The following RGS6 variants were observed in gnomAD, a reference collection of about 807,000 sequenced individuals.
RGS6 encodes the protein regulator of G protein signaling 6, also known as regulator of G-protein signaling 6.
A neutral mutation model predicts 78.5 loss-of-function variants in RGS6; 30 were observed. The observed-to-expected ratio is 0.38, with a 90% CI of 0.29 to 0.52. The LOEUF is 0.52. RGS6 is among the 20% of genes least tolerant of loss of function. The pLI is 0.85. For synonymous variants in RGS6, 206 were observed against 206.0 expected (o/e 1.00, Z 0.00); for missense variants, 495 against 609.7 (o/e 0.81, Z 1.98).
At chr14:72,388,953 T>TAG (rs1555367844) in intron 3 of RGS6, among the ~76,000 whole-genome samples, 1 of 151,916 alleles carries the variant, frequency 6.6e-6, no homozygotes, top group African/African-American at 2.4e-5. Context: ...ATTCCCATTA[T>TAG]TAGTAGTAGT....
At chr14:72,088,129 A>G (rs2095124031) in intron 2 of RGS6, among the ~76,000 whole-genome samples, 1 of 152,222 alleles carries the variant, frequency 6.6e-6, no homozygotes, top group African/African-American at 2.4e-5. Context: ...GTCTTTTAAA[A>G]TACATGCAGC....
chr14:72,173,623 C>T (rs1437881665), intron 2 of RGS6, among the ~76,000 whole-genome samples: 1 of 152,130 alleles, frequency 6.6e-6, no homozygotes, highest in African/African-American at 2.4e-5. Flanking sequence ...ATAACCTCGA[C>T]TCTTGAATGG....
chr14:71,929,001 T>C (rs553425807), upstream of RGS6, among the ~76,000 whole-genome samples: 7 of 152,352 alleles, frequency 4.6e-5, no homozygotes, highest in South Asian at 1.5e-3. Context: ...TTTGAAATAA[T>C]GTTATAATAA....
intron 2 of RGS6, among the ~76,000 whole-genome samples, chr14:72,077,868 A>G (rs1230261382): frequency 1.3e-5 from 2 of 152,234 alleles, no homozygotes; most frequent in African/African-American, 4.8e-5. Flanking sequence ...GAAGTATTAT[A>G]TCTTCTAATT....
At chr14:72,490,742 G>A (rs577999816) in intron 12 of RGS6, among the ~76,000 whole-genome samples, 1 of 152,186 alleles carries the variant, frequency 6.6e-6, no homozygotes, top group Admixed American at 6.5e-5. Flanking sequence ...CTGGGACAGC[G>A]AGGAGGCTCT....
intron 2 of RGS6, among the ~76,000 whole-genome samples, chr14:72,112,269 C>A (rs780496709): frequency 6.6e-6 from 1 of 152,162 alleles, no homozygotes; most frequent in African/African-American, 2.4e-5. Context: ...ATACCACTTA[C>A]GTTTGCATTT....
chr14:71,897,677 CG>C, the RGS6 span, among the ~76,000 whole-genome samples: 3 of 144,388 alleles, frequency 2.1e-5, no homozygotes, highest in African/African-American at 8.4e-5. Context: ...CCCACCACCA[CG>C]CCCAGCTAAT....
chr14:72,483,908 G>A (rs1566955665), intron 12 of RGS6, among the ~76,000 whole-genome samples: 1 of 151,688 alleles, frequency 6.6e-6, no homozygotes, highest in Non-Finnish European at 1.5e-5. Context: ...TTTTCTCTGG[G>A]TGACTTGCAA....
rs554117214 is a variant in RGS6, at chr14:72,419,350, A to G, written c.185-35178A>G. The stretch of plus-strand genomic sequence containing the variant: ...ATTATCTTCACTGCATAGGTGAGCA[A>G]TGGAGGCACAGAGAAGTTCAGCAAC... On this transcript the variant is annotated intron_variant, in intron 3 of 17. Transcript: ENST00000553525. Among the ~76,000 whole-genome samples the G allele has an allele frequency of 3.0e-4, 46 of 152,316 alleles. 1 individual carries two copies. The highest frequency in any genetic ancestry group is 5.4e-4 in the Non-Finnish European group (37 of 68,032).
chr14:72,090,265 G>T (rs1424289610), intron 2 of RGS6, among the ~76,000 whole-genome samples: 4 of 152,110 alleles, frequency 2.6e-5, no homozygotes, highest in Non-Finnish European at 5.9e-5. Flanking sequence ...TACATTAGGG[G>T]TTTCTAACCC....
intron 2 of RGS6, among the ~76,000 whole-genome samples, chr14:72,301,408 G>A (rs537466732): frequency 2.6e-5 from 4 of 152,186 alleles, no homozygotes; most frequent in South Asian, 2.1e-4. Context: ...TGTATTTATC[G>A]TTAGCTCTTG....
chr14:72,010,964 C>A (rs1019238504), intron 2 of RGS6, among the ~76,000 whole-genome samples: 1 of 152,222 alleles, frequency 6.6e-6, no homozygotes, highest in Non-Finnish European at 1.5e-5. Flanking sequence ...CATCTCTGCC[C>A]ACTCATTGCA....
At chr14:72,309,767 G>C (rs1034497458) in intron 2 of RGS6, among the ~76,000 whole-genome samples, 1 of 152,210 alleles carries the variant, frequency 6.6e-6, no homozygotes, top group South Asian at 2.1e-4. Flanking sequence ...CAACAGACTG[G>C]TCCCTCAAAT....
At chr14:72,550,692 C>CATCA (rs368786403) in intron 17 of RGS6, 14,507 of 1,426,038 alleles carry the variant, frequency 0.01, 111 homozygotes, top group Non-Finnish European at 0.013. Flanking sequence ...CTTTGTGAGT[C>CATCA]ATCACAATCC....
intron 2 of RGS6, among the ~76,000 whole-genome samples, chr14:72,051,850 G>A (rs1224866431): frequency 2.0e-5 from 3 of 152,140 alleles, no homozygotes; most frequent in Non-Finnish European, 4.4e-5. Flanking sequence ...GTAAAACAGA[G>A]CGACCTGACC....
At chr14:72,440,390 G>A (rs1455363110) in intron 3 of RGS6, among the ~76,000 whole-genome samples, 1 of 151,226 alleles carries the variant, frequency 6.6e-6, no homozygotes, top group Non-Finnish European at 1.5e-5. Flanking sequence ...GCATATGAGT[G>A]ATGTTGAAAT....
intron 3 of RGS6, among the ~76,000 whole-genome samples, chr14:72,449,244 A>G (rs910543865): frequency 6.6e-6 from 1 of 152,224 alleles, no homozygotes; most frequent in South Asian, 2.1e-4. Flanking sequence ...TCTTTCCCCA[A>G]CAGTCAAGAT....
At chr14:72,558,396 T>G (rs565132284) in intron 17 of RGS6, among the ~76,000 whole-genome samples, 6 of 152,124 alleles carry the variant, frequency 3.9e-5, no homozygotes, top group African/African-American at 1.4e-4. Context: ...GCCACAGCCC[T>G]CCTCCCAGCC....
At chr14:72,158,385 G>T (rs909454333) in intron 2 of RGS6, among the ~76,000 whole-genome samples, 3 of 152,174 alleles carry the variant, frequency 2.0e-5, no homozygotes, top group African/African-American at 7.2e-5. Flanking sequence ...CCTCTGAAAA[G>T]ATCCTGTCTC....
Sources: gnomAD v4.1 joint callset for allele counts (sites outside exome capture counted in the v4.1 genomes callset) on GRCh38, gnomAD v4.1.1 for gene constraint, MANE v1.5 for transcripts, NCBI Gene and HGNC (gene_info 2026-07-23, HGNC 2026-07-21) for gene names.